Variants in SMG7 observed in about 807,000 individuals in gnomAD.
The protein encoded by SMG7 is nonsense-mediated mRNA decay factor SMG7.
Under a neutral mutation model 148.2 loss-of-function variants are expected in SMG7, and 34 were observed. The ratio of observed to expected loss-of-function variants is 0.23; its 90% CI spans 0.17 to 0.31. The LOEUF is 0.31. SMG7 is among the 10% of genes least tolerant of loss of function. The probability of loss-of-function intolerance (pLI) is 1.00; values close to 1 mark genes in which losing one functional copy is unlikely to be tolerated. For missense variants in SMG7, 1,114 were observed against 1,408.4 expected, an observed-to-expected ratio of 0.79 and a Z score of 3.35; for synonymous variants, 492 against 515.1, an observed-to-expected ratio of 0.96 and a Z score of 0.61.
In SMG7 at chr1:183,547,294, G is replaced by C. The variant is rs898053530; in HGVS notation, c.2892+42G>C. The C allele has an allele frequency of 2.0e-6, 3 of 1,527,236 alleles. No homozygotes were observed. In the African/African-American group the frequency reaches 4.1e-5, roughly 21 times the overall value. The allele number at this position is 1,527,236 out of a possible 1,614,324, so 94.6% of individuals were successfully genotyped here. On this transcript the variant is annotated intron_variant, in intron 18 of 22. Coordinates refer to ENST00000688051, the MANE Select transcript of SMG7 (RefSeq NM_001375584.1). ...ATTCTGCTTCTTGGTCTAACCCCCA[G>C]CTGCTTCTCTGAGATACTGTAGTAC...
At chr1:183,533,088 TA>T in intron 8 of SMG7, 75 bp from the exon 9 acceptor site, 1 of 1,243,718 alleles carries the variant, frequency 8.0e-7, no homozygotes, top group Non-Finnish European at 1.1e-6. Flanking sequence ...AAATGCAGAC[TA>T]CCAGTTTAAT....
chr1:183,497,902 C>A (rs1314802658), intron 1 of SMG7, among the ~76,000 whole-genome samples: 1 of 152,094 alleles, frequency 6.6e-6, no homozygotes, highest in African/African-American at 2.4e-5. Flanking sequence ...GCACCCATTT[C>A]TTTGCTCAGG....
rs752207821 is a variant in SMG7, at chr1:183,552,206, G to A, written c.*275G>A. ...TCTCACTCAGTTACTTGGTATCACC[G>A]CCTCTCACCTTCTCCATCGTGCATG... On this transcript the variant is annotated 3_prime_UTR_variant, in exon 23 of 23. Transcript: ENST00000688051. 8.7e-5 allele frequency: 95 copies of A among 1,089,924 alleles called. No individual in the cohort carries two copies. The highest frequency in any genetic ancestry group is 1.0e-4 in the Non-Finnish European group (92 of 896,148). 67.5% of individuals were successfully genotyped at this position (1,089,924 alleles called of 1,614,324 possible). A position where few individuals can be genotyped will look rare whatever the true frequency, so the allele number is the denominator to read the frequency against.
intron 2 of SMG7, 137 bp downstream of exon 2, chr1:183,513,005 T>A: frequency 1.4e-6 from 1 of 715,760 alleles, no homozygotes; most frequent in Non-Finnish European, 2.2e-6. Context: ...CTATCTGCTT[T>A]AAATATTTAT....
intron 21 of SMG7, 24 bp from the exon 22 acceptor site, chr1:183,551,021 T>C: frequency 6.2e-7 from 1 of 1,613,982 alleles, no homozygotes; most frequent in Non-Finnish European, 8.5e-7. Context: ...TCTTGAATTT[T>C]TCTTATCTCT....
chr1:183,498,712 A>C (rs565173271), intron 1 of SMG7, among the ~76,000 whole-genome samples: 18 of 152,250 alleles, frequency 1.2e-4, no homozygotes, highest in Non-Finnish European at 2.1e-4. Flanking sequence ...AACATTCCCC[A>C]CCAGAGTGGT....
Position 183,553,022 on chromosome 1 carries a change from G to C in SMG7, c.*1091G>C, listed in dbSNP as rs766171494. ...GCAGTTGGGGCCCAAAAGACAGTCTGAAGAGGAAGGAAGCAGCAGTATCTG... is the reference window on the plus strand; with the variant it reads ...GCAGTTGGGGCCCAAAAGACAGTCTCAAGAGGAAGGAAGCAGCAGTATCTG... On this transcript the variant is annotated 3_prime_UTR_variant, in exon 23 of 23. Coordinates refer to ENST00000688051, the MANE Select transcript of SMG7 (RefSeq NM_001375584.1). 2.3e-5 allele frequency: 36 copies of C among 1,536,160 alleles called. No individual in the cohort carries two copies. Among genetic ancestry groups the C allele is most frequent in the African/African-American group, 2.7e-5 (2 of 73,068 alleles).
chr1:183,553,056 A>T lies in SMG7; in HGVS notation c.*1125A>T. On this transcript the variant is annotated 3_prime_UTR_variant, in exon 23 of 23. Transcript: ENST00000688051. Reference sequence around the variant, plus strand: ...GGAAGCAGCAGTATCTGCGTAGCCCACAGAGGGCCCAGGCCCCTGCCCAGC... The same window carrying T: ...GGAAGCAGCAGTATCTGCGTAGCCCTCAGAGGGCCCAGGCCCCTGCCCAGC... 2 of 1,536,244 alleles carry T rather than the reference A, an allele frequency of 1.3e-6. No individual in the cohort carries two copies. The highest frequency in any genetic ancestry group is 1.7e-6 in the Non-Finnish European group (2 of 1,146,936).
chr1:183,542,279 G>T lies in SMG7; in HGVS notation c.1619G>T (p.Gly540Val), dbSNP rs780489852. 3.7e-6 allele frequency: 6 copies of T among 1,614,120 alleles called. No homozygotes were observed. Among genetic ancestry groups the T allele is most frequent in the African/African-American group, 1.3e-5 (1 of 75,040 alleles). The change falls in exon 14 of 23, where the codon GGA (glycine) becomes GTA (valine). Residue 540 changes from glycine (G) to valine (V), a missense_variant. By Grantham distance (109) the Gly-to-Val change is moderately radical (BLOSUM62 -3). This residue lies in a region of SMG7 where 788 missense variants were observed against 894.5 expected (regional missense o/e 0.88). Transcript: ENST00000688051. ...SRNLSNNCDT[G>V]EKPVVTFKEN... The stretch of plus-strand genomic sequence containing the variant: ...AATTTAAGCAACAACTGTGACACAG[G>T]AGAGAAGCCAGTGGTTACCTTCAAA...
intron 1 of SMG7, among the ~76,000 whole-genome samples, chr1:183,500,138 G>A (rs1315431100): frequency 2.0e-5 from 3 of 152,034 alleles, no homozygotes; most frequent in African/African-American, 2.4e-5. Context: ...AACCTACTTT[G>A]CTTGTTTCAT....
At chr1:183,484,800 A>G (rs982519431) in intron 1 of SMG7, among the ~76,000 whole-genome samples, 4 of 152,180 alleles carry the variant, frequency 2.6e-5, no homozygotes, top group Admixed American at 2.6e-4. Context: ...TTTTATAAAT[A>G]ATGTTTTTAG....
rs1344254445 is a variant in SMG7, at chr1:183,517,783, C to T, written c.275C>T (p.Ser92Phe). 3 of 1,614,140 alleles carry T rather than the reference C, an allele frequency of 1.9e-6. No homozygotes were observed. Among genetic ancestry groups the T allele is most frequent in the Non-Finnish European group, 2.5e-6 (3 of 1,179,986 alleles). ...CGGAGTGAAGTTCAGGCAAACCTTT[C>T]TCTGTTCCTAGAGGCAGCTAGTGGC... is the stretch of plus-strand genomic sequence containing the variant. ...PNRSEVQANLSLFLEAASGFY... is the reference protein window; with the variant it reads ...PNRSEVQANLFLFLEAASGFY... The change falls in exon 4 of 23, where the codon TCT becomes TTT. Residue 92 changes from serine (S) to phenylalanine (F), a missense_variant. Transcript: ENST00000688051.
In SMG7 at chr1:183,537,141, A is replaced by G; in HGVS notation, c.1164-4A>G. ...AAAGTCTGAACTCTTTCTTTAATTT[A>G]CAGCATTTGGCCCTGGTTGATTTCT... On this transcript the variant is annotated splice_polypyrimidine_tract_variant and splice_region_variant and intron_variant, in intron 10 of 22. Coordinates refer to ENST00000688051, the MANE Select transcript of SMG7 (RefSeq NM_001375584.1). 6.2e-7 allele frequency: 1 copy of G among 1,608,154 alleles called. No individual in the cohort carries two copies. The highest frequency in any genetic ancestry group is 8.5e-7 in the Non-Finnish European group (1 of 1,174,744).
At chr1:183,533,956 C>G in intron 10 of SMG7, 124 bp downstream of exon 10, 1 of 755,580 alleles carries the variant, frequency 1.3e-6, no homozygotes, top group East Asian at 2.7e-5. Flanking sequence ...TCTGCCGACT[C>G]TCGGGAATTG....
At chr1:183,549,699 A>G in intron 19 of SMG7, 65 bp from the exon 20 acceptor site, 1 of 1,332,014 alleles carries the variant, frequency 7.5e-7, no homozygotes. Context: ...CATGAACAAG[A>G]CATTGGATTT....
At chr1:183,549,000 C>A in intron 18 of SMG7, 1 of 573,884 alleles carries the variant, frequency 1.7e-6, no homozygotes. Flanking sequence ...TAGGTTTGAT[C>A]TAAAAGGAGG....
chr1:183,494,639 A>G (rs938820122), intron 1 of SMG7, among the ~76,000 whole-genome samples: 1 of 150,564 alleles, frequency 6.6e-6, no homozygotes, highest in Non-Finnish European at 1.5e-5. Flanking sequence ...GTTTTAAAGA[A>G]TATTTTTGCT....
rs567739625 is a variant in SMG7 at position 183,495,001 on chromosome 1, G to A, written c.30-17836G>A. On this transcript the variant is annotated intron_variant, in intron 1 of 22. Transcript: ENST00000688051. ...ACGCCACCATGCCCAGCTAATTTTG[G>A]TGTTTTTAGTAGAGACAGGGTTTCA... Among the ~76,000 whole-genome samples, 9 of 151,802 alleles carry A rather than the reference G, an allele frequency of 5.9e-5. No individual in the cohort carries two copies. The East Asian group carries it at 1.7e-3, about 29-fold the overall frequency.
chr1:183,542,045 T>C (rs1668973025), intron 13 of SMG7, 31 bp from the exon 14 acceptor site: 1 of 1,555,794 alleles, frequency 6.4e-7, no homozygotes, highest in Non-Finnish European at 8.7e-7. Context: ...GTTAATGTTT[T>C]TTATATATGG....
Sources: allele counts gnomAD v4.1 joint callset (sites outside exome capture counted in the v4.1 genomes callset), GRCh38; gene constraint gnomAD v4.1.1; regional missense constraint gnomAD v4.1.1; transcripts MANE v1.5; gene names NCBI Gene and HGNC (gene_info 2026-07-23, HGNC 2026-07-21).